Variants in SDK2 observed in about 807,000 individuals in gnomAD.
The protein encoded by SDK2 is sidekick cell adhesion molecule 2.
In SDK2, 105 loss-of-function variants were observed where a neutral mutation model predicts 253.9. The ratio of observed to expected loss-of-function variants is 0.41; its 90% CI spans 0.35 to 0.49. The LOEUF is 0.49. Ranked by LOEUF, SDK2 falls within the 20% of genes least tolerant of loss-of-function variation. The pLI is 0.06. For synonymous variants in SDK2, 1,249 were observed against 1,234.9 expected (o/e 1.01, Z -0.24); for missense variants, 2,608 against 3,003.0 (o/e 0.87, Z 3.07).
intron 40 of SDK2, among the ~76,000 whole-genome samples, chr17:73,356,576 A>G (rs1393567778): frequency 6.6e-6 from 1 of 152,194 alleles, no homozygotes; most frequent in Non-Finnish European, 1.5e-5. Flanking sequence ...CCTGAAGATG[A>G]GAAGGGGAGC....
At chr17:73,504,985 C>T (rs961144554) in intron 2 of SDK2, among the ~76,000 whole-genome samples, 1 of 152,108 alleles carries the variant, frequency 6.6e-6, no homozygotes, top group Non-Finnish European at 1.5e-5. Context: ...CACACCGTTG[C>T]CCCCAGGCCA....
At chr17:73,358,627 G>A (rs1187273098) in intron 39 of SDK2, among the ~76,000 whole-genome samples, 2 of 152,100 alleles carry the variant, frequency 1.3e-5, no homozygotes, top group Non-Finnish European at 2.9e-5. Context: ...AATAGAGGTG[G>A]GTGCGATGAT....
At chr17:73,420,092 A>T (rs977473920) in intron 15 of SDK2, among the ~76,000 whole-genome samples, 1 of 152,116 alleles carries the variant, frequency 6.6e-6, no homozygotes, top group Non-Finnish European at 1.5e-5. Context: ...CCCAGGCAGG[A>T]GCAGGGCGGG....
intron 2 of SDK2, among the ~76,000 whole-genome samples, chr17:73,503,042 C>T (rs550041467): frequency 2.0e-5 from 3 of 152,148 alleles, no homozygotes; most frequent in African/African-American, 7.2e-5. Flanking sequence ...TATAACTGGA[C>T]AAACCCACAT....
At chr17:73,427,657 A>G (rs1397167545) in intron 12 of SDK2, among the ~76,000 whole-genome samples, 5 of 151,708 alleles carry the variant, frequency 3.3e-5, no homozygotes, top group Non-Finnish European at 4.4e-5. Context: ...AAAAAAAAAA[A>G]AAAAATCTAG....
intron 16 of SDK2, 127 bp from the exon 17 acceptor site, chr17:73,416,119 C>T (rs1438470136): frequency 4.4e-5 from 36 of 812,306 alleles, no homozygotes; most frequent in Admixed American, 7.6e-5. Context: ...TGCACCTGTG[C>T]TGTCCGACAG....
intron 1 of SDK2, among the ~76,000 whole-genome samples, chr17:73,549,705 C>G (rs1252105357): frequency 6.6e-6 from 1 of 151,994 alleles, no homozygotes; most frequent in Non-Finnish European, 1.5e-5. Flanking sequence ...CCCGGTCAGA[C>G]AGAATGCGGC....
At chr17:73,461,259 A>G (rs1320445394) in intron 3 of SDK2, among the ~76,000 whole-genome samples, 13 of 152,224 alleles carry the variant, frequency 8.5e-5, no homozygotes, top group Non-Finnish European at 1.3e-4. Flanking sequence ...TGGAGCCCCT[A>G]CTGTGGGCCA....
chr17:73,427,027 G>A (rs981682797), intron 12 of SDK2, among the ~76,000 whole-genome samples: 1 of 152,150 alleles, frequency 6.6e-6, no homozygotes, highest in Admixed American at 6.5e-5. Context: ...AGAGCTTGCA[G>A]TGTGCCGAGA....
At chr17:73,423,099 C>CATAA (rs202118046) in intron 14 of SDK2, among the ~76,000 whole-genome samples, 5 of 152,252 alleles carry the variant, frequency 3.3e-5, no homozygotes, top group Non-Finnish European at 7.4e-5. Context: ...TTGGGGAATA[C>CATAA]ATAAATAAAT....
intron 5 of SDK2, among the ~76,000 whole-genome samples, chr17:73,441,185 C>T (rs185122902): frequency 5.2e-4 from 79 of 151,314 alleles, no homozygotes; most frequent in African/African-American, 1.8e-3. Context: ...TCCTGTAAAG[C>T]AGCCACACCC....
At chr17:73,556,786 C>T (rs1164639187) in intron 1 of SDK2, among the ~76,000 whole-genome samples, 1 of 152,210 alleles carries the variant, frequency 6.6e-6, no homozygotes, top group Non-Finnish European at 1.5e-5. Context: ...GGGTTCACAT[C>T]TGAGCTCTGC....
Position 73,414,637 on chromosome 17 carries a change from CAT to C in SDK2, c.2484+5_2484+6del, listed in dbSNP as rs2063165137. 2.5e-6 allele frequency: 4 copies of C among 1,609,470 alleles called. No homozygotes were observed. Among genetic ancestry groups the C allele is most frequent in the Non-Finnish European group, 3.4e-6 (4 of 1,175,938 alleles). ...CCTCCTCTTGGGTGAGGAGATGCCT[CAT>C]GTACCTTGTAGCCCTGGTTGATGCC... On this transcript the variant is annotated splice_donor_5th_base_variant and intron_variant, in intron 18 of 44. Coordinates refer to ENST00000392650, the MANE Select transcript of SDK2 (RefSeq NM_001144952.2).
At chr17:73,407,685 C>T (rs2063090147) in intron 18 of SDK2, among the ~76,000 whole-genome samples, 1 of 152,036 alleles carries the variant, frequency 6.6e-6, no homozygotes. Context: ...CAAGCCTCTG[C>T]CTCATCCTCC....
At chr17:73,556,610 A>G (rs76273550) in intron 1 of SDK2, among the ~76,000 whole-genome samples, 2,158 of 152,308 alleles carry the variant, frequency 0.014, 35 homozygotes, top group African/African-American at 0.049. Flanking sequence ...CTGAATTCTT[A>G]TGCGGCTGTT....
chr17:73,397,345 C>T (rs1027868488), intron 24 of SDK2, among the ~76,000 whole-genome samples: 6 of 152,132 alleles, frequency 3.9e-5, no homozygotes, highest in Admixed American at 6.6e-5. Flanking sequence ...GCAGTGTGCC[C>T]GATGGTTAGG....
rs62063644 is a variant in SDK2, at chr17:73,644,160, C to G, written c.-72G>C. On this transcript the variant is annotated 5_prime_UTR_variant, in exon 1 of 45. Coordinates refer to ENST00000392650, the MANE Select transcript of SDK2 (RefSeq NM_001144952.2). The surrounding 1 kb of genome is among the most constrained non-coding windows in gnomAD (Gnocchi z 6.3). ...CCTGTTTTATAATCCTGGTGGGGTCCGATACCCCGTGGCTTAGTCCCAGGA... is the reference window on the plus strand; with the variant it reads ...CCTGTTTTATAATCCTGGTGGGGTCGGATACCCCGTGGCTTAGTCCCAGGA... 0.024 allele frequency: 31,033 copies of G among 1,291,108 alleles called. 421 individuals carry two copies. The highest frequency in any genetic ancestry group is 0.028 in the Non-Finnish European group (25,617 of 912,376). 80.0% of individuals were successfully genotyped at this position (1,291,108 alleles called of 1,614,324 possible).
At chr17:73,414,343 C>T (rs929105613) in intron 18 of SDK2, among the ~76,000 whole-genome samples, 7 of 152,196 alleles carry the variant, frequency 4.6e-5, no homozygotes, top group Middle Eastern at 6.8e-3. Context: ...CCACTGTGCC[C>T]GGCCCCTACA....
In SDK2 at chr17:73,609,299, G is replaced by T. The variant is rs2143112751; in HGVS notation, c.64+34726C>A. 6.6e-6 allele frequency among the ~76,000 whole-genome samples: 1 copy of T among 152,302 alleles called. No individual in the cohort carries two copies. Among genetic ancestry groups the T allele is most frequent in the South Asian group, 2.1e-4 (1 of 4,826 alleles). On this transcript the variant is annotated intron_variant, in intron 1 of 44. Transcript: ENST00000392650. The surrounding 1 kb of genome is among the most constrained non-coding windows in gnomAD (Gnocchi z 4.4). ...GATCACCAAGGGGTGGGTACTCATG[G>T]AAAGGAGGAGAGAGCCCAGAACTGA...
Sources: allele counts gnomAD v4.1 joint callset (sites outside exome capture counted in the v4.1 genomes callset), GRCh38; gene constraint gnomAD v4.1.1; non-coding constraint Gnocchi (gnomAD v3.1); transcripts MANE v1.5; gene names NCBI Gene and HGNC (gene_info 2026-07-23, HGNC 2026-07-21).